The following CAST variants were observed in gnomAD, a reference collection of about 807,000 sequenced individuals.
CAST encodes the protein calpastatin, also known as MIR583 host.
In CAST, 76 loss-of-function variants were observed where a neutral mutation model predicts 119.6. That is an observed-to-expected ratio of 0.64 (90% confidence interval 0.53 to 0.77). The LOEUF is 0.77. CAST is among the 30% of genes least tolerant of loss of function. The pLI is 0.00. For synonymous variants in CAST, 319 were observed against 331.6 expected (o/e 0.96, Z 0.41); for missense variants, 953 against 946.5 (o/e 1.01, Z -0.09).
chr5:96,058,712 G>T, the CAST span, among the ~76,000 whole-genome samples: 345 of 152,156 alleles, frequency 2.3e-3, 1 homozygote, highest in African/African-American at 8.1e-3. Flanking sequence ...CAACTTTTCA[G>T]ATTTTTGAGA....
At chr5:96,752,558 AG>A (rs1765331928) in intron 20 of CAST, among the ~76,000 whole-genome samples, 1 of 6,548 alleles carries the variant, frequency 1.5e-4, no homozygotes, top group East Asian at 8.8e-4. Context: ...GGATAACCTC[AG>A]GGATTTTTTT....
At chr5:96,208,669 T>C in the CAST span, among the ~76,000 whole-genome samples, 10 of 152,084 alleles carry the variant, frequency 6.6e-5, no homozygotes, top group African/African-American at 2.4e-4. Flanking sequence ...TTTCCATTTT[T>C]ATTGCACTAT....
chr5:96,373,491 T>C, the CAST span, among the ~76,000 whole-genome samples: 1 of 152,230 alleles, frequency 6.6e-6, no homozygotes, highest in Non-Finnish European at 1.5e-5. Flanking sequence ...TCCATTTGTC[T>C]TTTTCAGGAA....
the CAST span, among the ~76,000 whole-genome samples, chr5:96,120,534 G>A: frequency 1.3e-5 from 2 of 151,334 alleles, no homozygotes; most frequent in African/African-American, 4.9e-5. Flanking sequence ...TAATCAGAGA[G>A]CTCTAACTTA....
chr5:96,079,182 T>C, the CAST span: 1 of 471,434 alleles, frequency 2.1e-6, no homozygotes, highest in Admixed American at 2.4e-5. Flanking sequence ...ACTGCAGGGA[T>C]CTTAGCAGTA....
At chr5:96,276,079 A>G in the CAST span, among the ~76,000 whole-genome samples, 5 of 152,212 alleles carry the variant, frequency 3.3e-5, no homozygotes, top group Non-Finnish European at 5.9e-5. Flanking sequence ...CCATGTTTAC[A>G]TGCAGTGTTT....
In CAST at chr5:96,668,793, G is replaced by A. The variant is rs1484295944; in HGVS notation, c.75+6296G>A. Reference sequence around the variant, plus strand: ...TAAAACAAAGGGAGTGTAACATAGGGAATTGGTTACCCAGGTAAAAAAAAA... The same window carrying A: ...TAAAACAAAGGGAGTGTAACATAGGAAATTGGTTACCCAGGTAAAAAAAAA... On this transcript the variant is annotated intron_variant, in intron 1 of 31. Coordinates refer to ENST00000675179, the MANE Select transcript of CAST (RefSeq NM_001750.7). Among the ~76,000 whole-genome samples, 7 of 143,984 alleles carry A rather than the reference G, an allele frequency of 4.9e-5. 1 individual carries two copies. The South Asian group carries it at 6.6e-4, about 14-fold the overall frequency. 94.5% of individuals were successfully genotyped at this position (143,984 alleles called of 152,430 possible).
chr5:96,373,903 T>C, the CAST span, among the ~76,000 whole-genome samples: 1 of 152,104 alleles, frequency 6.6e-6, no homozygotes, highest in Non-Finnish European at 1.5e-5. Flanking sequence ...CACACCACCA[T>C]GCCTGGCTAA....
At chr5:96,550,490 A>T (rs1210515735) in intron 1 of CAST, among the ~76,000 whole-genome samples, 1 of 152,170 alleles carries the variant, frequency 6.6e-6, no homozygotes, top group African/African-American at 2.4e-5. Context: ...AATTCTAAAA[A>T]CCAGAACGCC....
the CAST span, among the ~76,000 whole-genome samples, chr5:96,090,738 AG>A: frequency 6.6e-6 from 1 of 151,408 alleles, no homozygotes; most frequent in African/African-American, 2.4e-5. Context: ...TGTGGAATGG[AG>A]TGTGTGTGTG....
At chr5:96,523,594 T>C (rs1299316970), upstream of CAST, among the ~76,000 whole-genome samples, 3 of 152,188 alleles carry the variant, frequency 2.0e-5, no homozygotes, top group East Asian at 3.9e-4. Flanking sequence ...ACAATGTTTA[T>C]CTTAAAGATA....
chr5:96,232,955 C>T, the CAST span, among the ~76,000 whole-genome samples: 2 of 151,950 alleles, frequency 1.3e-5, no homozygotes, highest in Non-Finnish European at 2.9e-5. Context: ...TTTAGAGAAA[C>T]ACTTGCATAT....
At chr5:96,739,660 T>G (rs969527107) in intron 11 of CAST, among the ~76,000 whole-genome samples, 5 of 152,240 alleles carry the variant, frequency 3.3e-5, no homozygotes, top group Admixed American at 1.3e-4. Context: ...CACTCTATGA[T>G]TTTGTTTTCT....
the CAST span, among the ~76,000 whole-genome samples, chr5:96,033,479 G>T: frequency 0.021 from 3,131 of 151,998 alleles, 75 homozygotes; most frequent in Admixed American, 0.073. Flanking sequence ...GGAATAGAAG[G>T]CCCCCAAGTA....
chr5:96,020,387 TAGGGGTCCACAACCCCCG>T, the CAST span, among the ~76,000 whole-genome samples: 1 of 152,206 alleles, frequency 6.6e-6, no homozygotes, highest in African/African-American at 2.4e-5. Context: ...ATGAGTCCTC[TAGGGGTCCACAACCCCCG>T]GGCCACAGAC....
At chr5:96,402,209 A>G in the CAST span, among the ~76,000 whole-genome samples, 1 of 152,020 alleles carries the variant, frequency 6.6e-6, no homozygotes, top group African/African-American at 2.4e-5. Flanking sequence ...CTAGTTAAAA[A>G]CCGTGTGTGA....
At chr5:96,724,724 G>A (rs2150413529) in intron 4 of CAST, among the ~76,000 whole-genome samples, 1 of 151,892 alleles carries the variant, frequency 6.6e-6, no homozygotes, top group African/African-American at 2.4e-5. Flanking sequence ...TCGGGAGGCT[G>A]AGGCAGGAGG....
chr5:96,265,721 A>G, the CAST span, among the ~76,000 whole-genome samples: 1 of 152,192 alleles, frequency 6.6e-6, no homozygotes, highest in Non-Finnish European at 1.5e-5. Flanking sequence ...TAGCCTAGTC[A>G]AGTTGACACA....
chr5:96,157,144 A>G, the CAST span, among the ~76,000 whole-genome samples: 1 of 152,194 alleles, frequency 6.6e-6, no homozygotes, highest in Non-Finnish European at 1.5e-5. Flanking sequence ...AGAATTTAAA[A>G]CAATGTATTC....
Sources: gnomAD v4.1 joint callset for allele counts (sites outside exome capture counted in the v4.1 genomes callset) on GRCh38, gnomAD v4.1.1 for gene constraint, MANE v1.5 for transcripts, NCBI Gene and HGNC (gene_info 2026-07-23, HGNC 2026-07-21) for gene names.